Variants in CPLX3 observed in about 807,000 individuals in gnomAD.
The protein encoded by CPLX3 is complexin-3.
In CPLX3, 12 loss-of-function variants were observed where a neutral mutation model predicts 17.2. The ratio of observed to expected loss-of-function variants is 0.70; its 90% CI spans 0.45 to 1.13. CPLX3 has a LOEUF of 1.13. Ranked by LOEUF, CPLX3 falls within the 50% of genes most tolerant of loss-of-function variation. The pLI is 0.00. For missense variants in CPLX3, 172 were observed against 203.2 expected (o/e 0.85, Z 0.93); for synonymous variants, 75 against 79.4 (o/e 0.94, Z 0.29).
At position 74,826,983 on chromosome 15, in the gene CPLX3, C is replaced by T. The variant is rs1243282804; in HGVS notation, c.164+116C>T. 3.2e-6 allele frequency: 3 copies of T among 933,544 alleles called. No homozygotes were observed. The highest frequency in any genetic ancestry group is 1.8e-5 in the African/African-American group (1 of 56,896). The allele number at this position is 933,544 out of a possible 1,614,324, so 57.8% of individuals were successfully genotyped here. The stretch of plus-strand genomic sequence containing the variant: ...CCCTTCTCCCCTACTTTCCTAGACA[C>T]GGTAAGAGACCGGGAGGTGTCCTCT... On this transcript the variant is annotated intron_variant, in intron 1 of 2. Transcript: ENST00000395018. The surrounding 1 kb of genome is among the most constrained non-coding windows in gnomAD (Gnocchi z 5.0).
At position 74,830,814 on chromosome 15, in the gene CPLX3, G is replaced by A. The variant is rs536419643; in HGVS notation, c.*460G>A. On this transcript the variant is annotated 3_prime_UTR_variant, in exon 3 of 3. Coordinates refer to ENST00000395018, the MANE Select transcript of CPLX3 (RefSeq NM_001030005.3). Reference sequence around the variant, plus strand: ...ACTCAGAAACTCTGAGAGAGAGCATGGGCAGACACCCTCAGCAGACAGGAG... The same window carrying A: ...ACTCAGAAACTCTGAGAGAGAGCATAGGCAGACACCCTCAGCAGACAGGAG... 5 of 158,940 alleles carry A rather than the reference G, an allele frequency of 3.1e-5. No individual in the cohort carries two copies. Among genetic ancestry groups the A allele is most frequent in the Non-Finnish European group, 5.6e-5 (4 of 71,982 alleles). The allele number at this position is 158,940 out of a possible 1,614,324, so 9.8% of individuals were successfully genotyped here.
chr15:74,830,246 T>C lies in CPLX3; in HGVS notation c.369T>C (p.Leu123=). The change falls in exon 3 of 3, where the codon CTT becomes CTC. Residue 123 remains leucine, a synonymous_variant. Transcript: ENST00000395018. ...TEEEEEKASV[L]GQLASLPGLN... is the part of the protein sequence containing the mutation. ...AGGAGGAGGAGAAGGCCTCAGTCCTTGGGCAGCTGGCCAGCCTTCCTGGCT... is the reference window on the plus strand; with the variant it reads ...AGGAGGAGGAGAAGGCCTCAGTCCTCGGGCAGCTGGCCAGCCTTCCTGGCT... 4.3e-6 allele frequency: 7 copies of C among 1,613,908 alleles called. No homozygotes were observed. Among genetic ancestry groups the C allele is most frequent in the Non-Finnish European group, 5.9e-6 (7 of 1,180,034 alleles).
rs2063970117 is a variant in CPLX3 at position 74,831,652 on chromosome 15, C to T, written c.*1298C>T. ...ACACTGTGATGACTTTGAGCCTGTC[C>T]TTTCCCTCCTTGAGCCTGTCTTGCT... On this transcript the variant is annotated 3_prime_UTR_variant, in exon 3 of 3. Coordinates refer to ENST00000395018, the MANE Select transcript of CPLX3 (RefSeq NM_001030005.3). 6.6e-6 allele frequency: 1 copy of T among 152,240 alleles called. No individual in the cohort carries two copies. The highest frequency in any genetic ancestry group is 2.4e-5 in the African/African-American group (1 of 41,438). 9.4% of individuals were successfully genotyped at this position (152,240 alleles called of 1,614,324 possible).
At position 74,828,102 on chromosome 15, in the gene CPLX3, A is replaced by G. The variant is rs1196206002; in HGVS notation, c.233A>G (p.Asp78Gly). 6.3e-7 allele frequency: 1 copy of G among 1,599,040 alleles called. No homozygotes were observed. The highest frequency in any genetic ancestry group is 8.5e-7 in the Non-Finnish European group (1 of 1,172,312). The change falls in exon 2 of 3, where the codon GAC becomes GGC. Residue 78 changes from aspartate (D) to glycine (G), a missense_variant. By Grantham distance (94) the Asp-to-Gly change is moderately conservative. Transcript: ENST00000395018. ...ERATLRSHFRDKYRLPKNETD... is the reference protein window; with the variant it reads ...ERATLRSHFRGKYRLPKNETD... ...GCCACACTGCGGAGCCACTTCCGAG[A>G]CAAATACCGGCTACCCAAGGTAAGC...
rs1485893545 is a variant in CPLX3, at chr15:74,831,448, G to A, written c.*1094G>A. 1 of 152,460 alleles carries A rather than the reference G, an allele frequency of 6.6e-6. No individual in the cohort carries two copies. Among genetic ancestry groups the A allele is most frequent in the East Asian group, 1.9e-4 (1 of 5,194 alleles). The allele number at this position is 152,460 out of a possible 1,614,324, so 9.4% of individuals were successfully genotyped here. A position where few individuals can be genotyped will look rare whatever the true frequency, so the allele number is the denominator to read the frequency against. On this transcript the variant is annotated 3_prime_UTR_variant, in exon 3 of 3. Transcript: ENST00000395018. ...CTTATGAAATAGGTCTGGGCTTTGA[G>A]GAGGATGGAGCAGCCTCATTATGTG...
intron 2 of CPLX3, among the ~76,000 whole-genome samples, chr15:74,828,727 T>C (rs2063954762): frequency 6.6e-6 from 1 of 152,080 alleles, no homozygotes; most frequent in African/African-American, 2.4e-5. Context: ...AGCCGGTGAA[T>C]ATGAGCCTGC....
At position 74,827,530 on chromosome 15, in the gene CPLX3, A is replaced by G. The variant is rs565029132; in HGVS notation, c.165-504A>G. On this transcript the variant is annotated intron_variant, in intron 1 of 2. Transcript: ENST00000395018. ...ATGCATGTAAACTGTTTAGCACAGC[A>G]CCTGGCACATGATAAAGTCTCATAA... Among the ~76,000 whole-genome samples the G allele has an allele frequency of 2.0e-4, 30 of 152,352 alleles. 2 individuals carry two copies. In the South Asian group the frequency reaches 6.2e-3, roughly 32 times the overall value.
At chr15:74,827,155 G>A (rs1473278360) in intron 1 of CPLX3, among the ~76,000 whole-genome samples, 3 of 152,190 alleles carry the variant, frequency 2.0e-5, no homozygotes, top group Admixed American at 6.5e-5. Flanking sequence ...CGTTTCTGAC[G>A]AAACGATAAT....
At chr15:74,830,045 G>T in intron 2 of CPLX3, 85 bp from the exon 3 acceptor site, 2 of 1,002,888 alleles carry the variant, frequency 2.0e-6, no homozygotes, top group Non-Finnish European at 3.0e-6. Flanking sequence ...CTGGAACCCA[G>T]TCCAAGCCTC....
At chr15:74,829,578 A>G (rs2063958971) in intron 2 of CPLX3, among the ~76,000 whole-genome samples, 1 of 152,194 alleles carries the variant, frequency 6.6e-6, no homozygotes, top group Non-Finnish European at 1.5e-5. Context: ...GAGAATTAAA[A>G]GCACCCAGCT....
In CPLX3 at chr15:74,828,131, C is replaced by G. The variant is rs1346192845; in HGVS notation, c.252+10C>G. 6.4e-7 allele frequency: 1 copy of G among 1,570,528 alleles called. No individual in the cohort carries two copies. Among genetic ancestry groups the G allele is most frequent in the Non-Finnish European group, 8.6e-7 (1 of 1,156,710 alleles). On this transcript the variant is annotated intron_variant, in intron 2 of 2. Coordinates refer to ENST00000395018, the MANE Select transcript of CPLX3 (RefSeq NM_001030005.3). ...ATACCGGCTACCCAAGGTAAGCTGG[C>G]CCCGGCTGTGAGGCACATCTGGGAC...
At chr15:74,828,509 C>T (rs2063953883) in intron 2 of CPLX3, among the ~76,000 whole-genome samples, 1 of 152,190 alleles carries the variant, frequency 6.6e-6, no homozygotes, top group South Asian at 2.1e-4. Context: ...GTTTCTGAAC[C>T]TACTGAAGGG....
At chr15:74,830,014 G>GA in intron 2 of CPLX3, 116 bp from the exon 3 acceptor site, 2 of 652,458 alleles carry the variant, frequency 3.1e-6, no homozygotes, top group South Asian at 2.1e-5. Context: ...AAAAAAAAAA[G>GA]AAAAAATAGA....
intron 2 of CPLX3, 107 bp from the exon 3 acceptor site, chr15:74,830,023 G>T: frequency 2.4e-4 from 167 of 682,390 alleles, no homozygotes; most frequent in Non-Finnish European, 3.8e-4. Flanking sequence ...AGAAAAAATA[G>T]AATCTAGGGG....
chr15:74,829,101 C>G (rs550873612), intron 2 of CPLX3, among the ~76,000 whole-genome samples: 6 of 152,326 alleles, frequency 3.9e-5, no homozygotes, highest in Non-Finnish European at 8.8e-5. Context: ...TCCCCAGCTG[C>G]TTCTGACTCC....
chr15:74,826,708 C>T lies in CPLX3; in HGVS notation c.5C>T (p.Ala2Val). ...GTGCCCCGGCCGGCGAAGACCATGGCGTTCATGGTGAAGACCATGGTGGGC... is the reference window on the plus strand; with the variant it reads ...GTGCCCCGGCCGGCGAAGACCATGGTGTTCATGGTGAAGACCATGGTGGGC... M[A>V]FMVKTMVGGQ... is the part of the protein sequence containing the mutation. Residue 2 changes from alanine to valine, a missense_variant, in exon 1 of 3, where the codon GCG becomes GTG. Transcript: ENST00000395018. The surrounding 1 kb of genome is among the most constrained non-coding windows in gnomAD (Gnocchi z 5.0). 6.2e-7 allele frequency: 1 copy of T among 1,608,524 alleles called. No homozygotes were observed. Among genetic ancestry groups the T allele is most frequent in the Non-Finnish European group, 8.5e-7 (1 of 1,177,678 alleles).
intron 2 of CPLX3, 118 bp from the exon 3 acceptor site, chr15:74,830,012 A>AG: frequency 2.7e-6 from 2 of 738,728 alleles, no homozygotes; most frequent in East Asian, 5.4e-5. Context: ...AAAAAAAAAA[A>AG]AGAAAAAATA....
chr15:74,830,023 G>C, intron 2 of CPLX3, 107 bp from the exon 3 acceptor site: 2 of 682,674 alleles, frequency 2.9e-6, no homozygotes, highest in Non-Finnish European at 4.9e-6. Context: ...AGAAAAAATA[G>C]AATCTAGGGG....
At position 74,830,368 on chromosome 15, in the gene CPLX3, G is replaced by T. The variant is rs562166313; in HGVS notation, c.*14G>T. 3.1e-6 allele frequency: 5 copies of T among 1,604,182 alleles called. No homozygotes were observed. Among genetic ancestry groups the T allele is most frequent in the East Asian group, 2.2e-5 (1 of 44,574 alleles). The stretch of plus-strand genomic sequence containing the variant: ...CACGTCATGTGACCACTTCCCCGGG[G>T]TTACCCACTGGGCTGGGCCCCCATG... On this transcript the variant is annotated 3_prime_UTR_variant, in exon 3 of 3. Transcript: ENST00000395018.
Sources: gnomAD v4.1 joint callset for allele counts (sites outside exome capture counted in the v4.1 genomes callset) on GRCh38, gnomAD v4.1.1 for gene constraint, Gnocchi (gnomAD v3.1) non-coding constraint, MANE v1.5 for transcripts, NCBI Gene and HGNC (gene_info 2026-07-23, HGNC 2026-07-21) for gene names.